Variants in CCDC85C observed in about 807,000 individuals in gnomAD.
The protein encoded by CCDC85C is coiled-coil domain containing 85C, also known as coiled-coil domain-containing protein 85C.
In CCDC85C, 18 loss-of-function variants were observed where a neutral mutation model predicts 38.3. The observed-to-expected ratio is 0.47, with a 90% CI of 0.33 to 0.70. CCDC85C has a LOEUF of 0.70. Among genes scored for constraint, CCDC85C ranks in the 30% least tolerant of loss-of-function variants. The pLI is 0.03. For synonymous variants in CCDC85C, 264 were observed against 293.8 expected (o/e 0.90, Z 1.04); for missense variants, 566 against 621.2 (o/e 0.91, Z 0.94).
intron 1 of CCDC85C, among the ~76,000 whole-genome samples, chr14:99,577,239 T>C (rs970693487): frequency 6.6e-6 from 1 of 151,704 alleles, no homozygotes; most frequent in Non-Finnish European, 1.5e-5. Context: ...ATCACTACCA[T>C]TTCAGAACCG....
chr14:99,517,759 T>C (rs1884525), intron 3 of CCDC85C, among the ~76,000 whole-genome samples: 135 of 152,236 alleles, frequency 8.9e-4, no homozygotes, highest in African/African-American at 3.2e-3. Context: ...CCAGCCTCTG[T>C]CAGAAGCTGC....
At chr14:99,529,626 ACTT>A (rs1263159433) in intron 2 of CCDC85C, among the ~76,000 whole-genome samples, 1 of 152,116 alleles carries the variant, frequency 6.6e-6, no homozygotes, top group African/African-American at 2.4e-5. Flanking sequence ...CTGGTCTTGA[ACTT>A]CTGATCTCAG....
At chr14:99,575,601 T>C (rs1336771827) in intron 1 of CCDC85C, among the ~76,000 whole-genome samples, 1 of 152,232 alleles carries the variant, frequency 6.6e-6, no homozygotes, top group Non-Finnish European at 1.5e-5. Context: ...GTGGCAGCCC[T>C]GTATGTCCCA....
rs3070433 is a variant in CCDC85C, at chr14:99,571,345, G to GTAATAATAATAATAA, written c.793+31807_793+31821dup. Among the ~76,000 whole-genome samples the GTAATAATAATAATAA allele has an allele frequency of 2.7e-3, 401 of 149,954 alleles. 3 individuals are homozygous for GTAATAATAATAATAA. The highest frequency in any genetic ancestry group is 9.5e-3 in the African/African-American group (384 of 40,604). On this transcript the variant is annotated intron_variant, in intron 1 of 5. Coordinates refer to ENST00000380243, the MANE Select transcript of CCDC85C (RefSeq NM_001144995.2). Reference sequence around the variant, plus strand: ...AGCCACAGCAGCAATAGTAGTAGTAGTAATAATAATAATAATAATAATAAT... The same window carrying GTAATAATAATAATAA: ...AGCCACAGCAGCAATAGTAGTAGTAGTAATAATAATAATAATAATAATAATAATAATAATAATAAT...
chr14:99,533,667 T>C lies in CCDC85C; in HGVS notation c.867+2348A>G, dbSNP rs1897535138. 6.6e-6 allele frequency among the ~76,000 whole-genome samples: 1 copy of C among 152,218 alleles called. No individual in the cohort carries two copies. The highest frequency in any genetic ancestry group is 6.5e-5 in the Admixed American group (1 of 15,292). On this transcript the variant is annotated intron_variant, in intron 2 of 5. Coordinates refer to ENST00000380243, the MANE Select transcript of CCDC85C (RefSeq NM_001144995.2). This position sits in a 1 kb window ranked among gnomAD's most constrained non-coding sequence, Gnocchi z 4.2. ...ACGGATGAGGATGTGAACAGAGCCC[T>C]GCTGCTACCCCCAGGGAGCTGGTGG... is the stretch of plus-strand genomic sequence containing the variant.
intron 1 of CCDC85C, among the ~76,000 whole-genome samples, chr14:99,593,362 C>T (rs1349742526): frequency 1.3e-5 from 2 of 152,236 alleles, no homozygotes; most frequent in South Asian, 2.1e-4. Context: ...GCTGCCGTTT[C>T]GGTGCCACCG....
intron 1 of CCDC85C, among the ~76,000 whole-genome samples, chr14:99,596,483 C>T (rs1386101764): frequency 3.3e-5 from 5 of 152,220 alleles, no homozygotes; most frequent in Admixed American, 6.5e-5. Context: ...GCAGTCAATA[C>T]AATCCTGATC....
rs1211716911 is a variant in CCDC85C, at chr14:99,516,088, G to C, written c.1170+100C>G. On this transcript the variant is annotated intron_variant, in intron 5 of 5. Transcript: ENST00000380243. The surrounding 1 kb of genome is among the most constrained non-coding windows in gnomAD (Gnocchi z 5.5). ...GTCACCCAGCCTTCGCTGAGCATTC[G>C]AGAAATGGAGTCCCACATGGGGAAG... 10 of 947,896 alleles carry C rather than the reference G, an allele frequency of 1.1e-5. No homozygotes were observed. The highest frequency in any genetic ancestry group is 2.0e-5 in the Admixed American group (1 of 49,600). 58.7% of individuals were successfully genotyped at this position (947,896 alleles called of 1,614,324 possible).
intron 1 of CCDC85C, among the ~76,000 whole-genome samples, chr14:99,589,584 C>T (rs532657836): frequency 1.3e-5 from 2 of 152,318 alleles, no homozygotes; most frequent in South Asian, 2.1e-4. Flanking sequence ...ATTAGAGCTG[C>T]GGTCCCTATT....
rs941903475 is a variant in CCDC85C, at chr14:99,509,865, A to G, written c.*5381T>C. 12 of 474,738 alleles carry G rather than the reference A, an allele frequency of 2.5e-5. No homozygotes were observed. The highest frequency in any genetic ancestry group is 6.0e-5 in the African/African-American group (3 of 49,924). 29.4% of individuals were successfully genotyped at this position (474,738 alleles called of 1,614,324 possible). A position where few individuals can be genotyped will look rare whatever the true frequency, so the allele number is the denominator to read the frequency against. ...GCACTAGGAAGAGGGGGCTGGGGCC[A>G]GGGCACAAGGGGGCTTCGGGTGCTG... On this transcript the variant is annotated 3_prime_UTR_variant, in exon 6 of 6. Coordinates refer to ENST00000380243, the MANE Select transcript of CCDC85C (RefSeq NM_001144995.2).
intron 2 of CCDC85C, among the ~76,000 whole-genome samples, chr14:99,532,793 T>TC (rs1396260311): frequency 6.7e-6 from 1 of 149,718 alleles, no homozygotes; most frequent in Non-Finnish European, 1.5e-5. Flanking sequence ...TTTTTTTTTT[T>TC]TTTTTTGAGG....
At chr14:99,518,829 G>C (rs1033966924) in intron 3 of CCDC85C, among the ~76,000 whole-genome samples, 1 of 152,176 alleles carries the variant, frequency 6.6e-6, no homozygotes, top group Non-Finnish European at 1.5e-5. Context: ...TGTGCAAGCC[G>C]CCCCTCTCCT....
chr14:99,532,051 A>G lies in CCDC85C; in HGVS notation c.867+3964T>C, dbSNP rs186776140. On this transcript the variant is annotated intron_variant, in intron 2 of 5. Transcript: ENST00000380243. Reference sequence around the variant, plus strand: ...TCCCCAAGACACATCCACCCAGTTCAACCATGCTGAGCACTGGAGACACCA... The same window carrying G: ...TCCCCAAGACACATCCACCCAGTTCGACCATGCTGAGCACTGGAGACACCA... Among the ~76,000 whole-genome samples the G allele has an allele frequency of 1.9e-4, 29 of 152,306 alleles. No individual in the cohort carries two copies. In the East Asian group the frequency reaches 5.0e-3, roughly 26 times the overall value.
intron 1 of CCDC85C, among the ~76,000 whole-genome samples, chr14:99,549,867 G>A (rs182557520): frequency 3.8e-4 from 58 of 152,330 alleles, no homozygotes; most frequent in African/African-American, 1.2e-3. Flanking sequence ...CCTTTCATGC[G>A]CAGGGCATGT....
rs1425380594 is a variant in CCDC85C, at chr14:99,531,582, G to GT, written c.867+4432dup. Among the ~76,000 whole-genome samples, 73 of 95,868 alleles carry GT rather than the reference G, an allele frequency of 7.6e-4. 1 individual carries two copies. The highest frequency in any genetic ancestry group is 2.4e-3 in the East Asian group (6 of 2,524). 62.9% of individuals were successfully genotyped at this position (95,868 alleles called of 152,430 possible). The stretch of plus-strand genomic sequence containing the variant: ...TTTTGGAGTTAAATAGAGGCCATGG[G>GT]TGGGGGGGGGGGTGGGACCGCGGGG... On this transcript the variant is annotated intron_variant, in intron 2 of 5. Coordinates refer to ENST00000380243, the MANE Select transcript of CCDC85C (RefSeq NM_001144995.2).
chr14:99,510,545 T>A lies in CCDC85C; in HGVS notation c.*4701A>T. 2 of 323,082 alleles carry A rather than the reference T, an allele frequency of 6.2e-6. No individual in the cohort carries two copies. The highest frequency in any genetic ancestry group is 1.9e-4 in the East Asian group (2 of 10,526). 20.0% of individuals were successfully genotyped at this position (323,082 alleles called of 1,614,324 possible). A position where few individuals can be genotyped will look rare whatever the true frequency, so the allele number is the denominator to read the frequency against. ...TCCCCCCACCTGCCATCCCACCCCC[T>A]ACTCCTGGCTACCCCCCACCCCCAC... is the stretch of plus-strand genomic sequence containing the variant. On this transcript the variant is annotated 3_prime_UTR_variant, in exon 6 of 6. Transcript: ENST00000380243.
At chr14:99,578,410 C>G (rs2054926200) in intron 1 of CCDC85C, among the ~76,000 whole-genome samples, 1 of 150,384 alleles carries the variant, frequency 6.6e-6, no homozygotes, top group African/African-American at 2.5e-5. Context: ...GAGTGTACAC[C>G]TCTCCACACC....
chr14:99,500,539 T>C lies in CCDC85C; in HGVS notation c.*14707A>G, dbSNP rs1896799470. On this transcript the variant is annotated 3_prime_UTR_variant, in exon 6 of 6. Coordinates refer to ENST00000380243, the MANE Select transcript of CCDC85C (RefSeq NM_001144995.2). ...TTTTAAGGATCTTTTGTTTTCAGTA[T>C]TTTTTTTTACATTACACCTCTGCTT... 10 of 365,044 alleles carry C rather than the reference T, an allele frequency of 2.7e-5. No individual in the cohort carries two copies. Among genetic ancestry groups the C allele is most frequent in the Non-Finnish European group, 4.5e-5 (9 of 202,084 alleles). The allele number at this position is 365,044 out of a possible 1,614,324, so 22.6% of individuals were successfully genotyped here. A position where few individuals can be genotyped will look rare whatever the true frequency, so the allele number is the denominator to read the frequency against.
At position 99,572,255 on chromosome 14, in the gene CCDC85C, G is replaced by A. The variant is rs1375274965; in HGVS notation, c.793+30912C>T. Among the ~76,000 whole-genome samples, 1 of 152,162 alleles carries A rather than the reference G, an allele frequency of 6.6e-6. No homozygotes were observed. The highest frequency in any genetic ancestry group is 1.5e-5 in the Non-Finnish European group (1 of 68,018). On this transcript the variant is annotated intron_variant, in intron 1 of 5. Transcript: ENST00000380243. This position sits in a 1 kb window ranked among gnomAD's most constrained non-coding sequence, Gnocchi z 4.4. ...ATGGCCAGGCTGTGGCCCTCCCCGAGAGTCCCTCCCTCCCCAGGGATGGGT... is the reference window on the plus strand; with the variant it reads ...ATGGCCAGGCTGTGGCCCTCCCCGAAAGTCCCTCCCTCCCCAGGGATGGGT...
Sources: gnomAD v4.1 joint callset for allele counts (sites outside exome capture counted in the v4.1 genomes callset) on GRCh38, gnomAD v4.1.1 for gene constraint, Gnocchi (gnomAD v3.1) non-coding constraint, MANE v1.5 for transcripts, NCBI Gene and HGNC (gene_info 2026-07-23, HGNC 2026-07-21) for gene names.